Variants in LRRC40 observed in about 807,000 individuals in gnomAD.
LRRC40 encodes leucine-rich repeat-containing protein 40.
In LRRC40, 76 loss-of-function variants were observed where a neutral mutation model predicts 72.8. The observed-to-expected ratio is 1.04, with a 90% CI of 0.87 to 1.26. The LOEUF is 1.26. Ranked by LOEUF, LRRC40 falls within the 50% of genes most tolerant of loss-of-function variation. The probability of loss-of-function intolerance (pLI) is 0.00; values close to 1 mark genes in which losing one functional copy is unlikely to be tolerated. For synonymous variants in LRRC40, 243 were observed against 254.2 expected (o/e 0.96, Z 0.42); for missense variants, 684 against 698.9 (o/e 0.98, Z 0.24).
chr1:70,160,403 T>A (rs1227497871), intron 9 of LRRC40, among the ~76,000 whole-genome samples: 3 of 152,320 alleles, frequency 2.0e-5, no homozygotes, highest in Middle Eastern at 6.8e-3. Context: ...GCAAGTATCA[T>A]ATGAATACTT....
intron 1 of LRRC40, among the ~76,000 whole-genome samples, chr1:70,197,372 G>A (rs1193436153): frequency 6.6e-6 from 1 of 151,984 alleles, no homozygotes; most frequent in Admixed American, 6.6e-5. Flanking sequence ...CGAACTCATG[G>A]CTTCAGGAGA....
At chr1:70,186,296 A>G (rs3767210) in intron 3 of LRRC40, among the ~76,000 whole-genome samples, 13,108 of 152,160 alleles carry the variant, frequency 0.086, 644 homozygotes, top group South Asian at 0.19. Context: ...GTCACTCAAC[A>G]CTTACTGCTT....
intron 1 of LRRC40, among the ~76,000 whole-genome samples, chr1:70,190,973 T>C (rs1232093917): frequency 1.3e-5 from 2 of 151,998 alleles, no homozygotes; most frequent in Non-Finnish European, 2.9e-5. Flanking sequence ...TCATCATCAT[T>C]GTTATTTTGG....
chr1:70,185,071 C>G (rs1055281595), intron 3 of LRRC40, among the ~76,000 whole-genome samples, 157 bp from the exon 4 acceptor site: 7 of 152,136 alleles, frequency 4.6e-5, no homozygotes, highest in Admixed American at 6.5e-5. Context: ...AAAATATGTA[C>G]TCATTAAAAT....
At chr1:70,191,922 T>G (rs2100337174) in intron 1 of LRRC40, among the ~76,000 whole-genome samples, 1 of 152,306 alleles carries the variant, frequency 6.6e-6, no homozygotes, top group South Asian at 2.1e-4. Flanking sequence ...GCTTTGTTCT[T>G]TTTGCTTAGA....
At chr1:70,200,183 G>A (rs925335845) in intron 1 of LRRC40, among the ~76,000 whole-genome samples, 1 of 152,166 alleles carries the variant, frequency 6.6e-6, no homozygotes, top group Non-Finnish European at 1.5e-5. Context: ...TATCAGGAAT[G>A]GGGTCAGGTA....
intron 1 of LRRC40, among the ~76,000 whole-genome samples, chr1:70,190,907 A>G (rs1343852299): frequency 6.6e-6 from 1 of 152,000 alleles, no homozygotes; most frequent in Non-Finnish European, 1.5e-5. Context: ...GTGAAGCAAA[A>G]TAAAATAATT....
chr1:70,200,253 A>C (rs1267571949), intron 1 of LRRC40, among the ~76,000 whole-genome samples: 1 of 152,166 alleles, frequency 6.6e-6, no homozygotes, highest in African/African-American at 2.4e-5. Flanking sequence ...GATTGTGGAC[A>C]GAGGGAGTTT....
rs138162262 is a variant in LRRC40, at chr1:70,185,802, T to C, written c.408-888A>G. Among the ~76,000 whole-genome samples, 123 of 152,314 alleles carry C rather than the reference T, an allele frequency of 8.1e-4. No homozygotes were observed. The East Asian group carries it at 9.5e-3, about 12-fold the overall frequency. The stretch of plus-strand genomic sequence containing the variant: ...TCAGTTAAGCCCTTCTGTAGAGATA[T>C]TCAGTGTAATGGTTTAGAAGTCCCA... On this transcript the variant is annotated intron_variant, in intron 3 of 14. Coordinates refer to ENST00000370952, the MANE Select transcript of LRRC40 (RefSeq NM_017768.5).
intron 1 of LRRC40, among the ~76,000 whole-genome samples, chr1:70,194,847 T>C (rs1459963407): frequency 2.0e-5 from 3 of 152,094 alleles, no homozygotes; most frequent in Non-Finnish European, 2.9e-5. Flanking sequence ...GTCAAGATAG[T>C]GTAGTATTAG....
At chr1:70,182,289 T>C (rs1668263434) in intron 4 of LRRC40, among the ~76,000 whole-genome samples, 1 of 152,004 alleles carries the variant, frequency 6.6e-6, no homozygotes, top group Non-Finnish European at 1.5e-5. Flanking sequence ...TGCAATGTGG[T>C]ATCCTGCATT....
chr1:70,145,813 C>T lies in LRRC40; in HGVS notation c.1796G>A (p.Arg599Gln), dbSNP rs145973226. 2.3e-5 allele frequency: 36 copies of T among 1,588,138 alleles called. No individual in the cohort carries two copies. The highest frequency in any genetic ancestry group is 1.7e-4 in the Middle Eastern group (1 of 6,026). Residue 599 changes from arginine (R) to glutamine (Q), a missense_variant, in exon 15 of 15, where the codon CGA (arginine) becomes CAA (glutamine). Coordinates refer to ENST00000370952, the MANE Select transcript of LRRC40 (RefSeq NM_017768.5). ...AGCAACTCCATGTTAAGTAGGAATT[C>T]GGTCTCTCAAATATTCAAGTATAGC... is the stretch of plus-strand genomic sequence containing the variant. ...TAAILEYLRD[R>Q]IPT
At chr1:70,185,614 C>A (rs955184143) in intron 3 of LRRC40, among the ~76,000 whole-genome samples, 1 of 152,184 alleles carries the variant, frequency 6.6e-6, no homozygotes, top group Non-Finnish European at 1.5e-5. Flanking sequence ...CATACTATAA[C>A]TGACTTTCAG....
At chr1:70,201,835 G>A (rs549573584) in intron 1 of LRRC40, among the ~76,000 whole-genome samples, 2 of 152,114 alleles carry the variant, frequency 1.3e-5, no homozygotes, top group East Asian at 3.9e-4. Flanking sequence ...AAATTAGCCA[G>A]GCATGACAGC....
intron 1 of LRRC40, among the ~76,000 whole-genome samples, chr1:70,205,038 G>A (rs1342862789): frequency 6.6e-6 from 1 of 152,168 alleles, no homozygotes; most frequent in Non-Finnish European, 1.5e-5. Context: ...TACAATAAGA[G>A]GAGGAAAATA....
intron 5 of LRRC40, among the ~76,000 whole-genome samples, chr1:70,179,499 C>T (rs2100302899): frequency 6.6e-6 from 1 of 152,134 alleles, no homozygotes; most frequent in Non-Finnish European, 1.5e-5. Context: ...TTTTGTAATA[C>T]ATTTAAAAAT....
Position 70,178,994 on chromosome 1 carries a change from CT to C in LRRC40, c.662-2del, listed in dbSNP as rs1463346614. 15 of 1,554,992 alleles carry C rather than the reference CT, an allele frequency of 9.6e-6. No individual in the cohort carries two copies. The Admixed American group carries it at 1.5e-4, about 15-fold the overall frequency. ...GAATTACAATCCAAATGCTTCAACC[CT>C]GTAATATATATTCAGTAAAAAACAA... On this transcript the variant is annotated splice_acceptor_variant, in intron 5 of 14. Transcript: ENST00000370952. LOFTEE classifies it high-confidence loss of function.
intron 10 of LRRC40, among the ~76,000 whole-genome samples, chr1:70,156,061 T>C (rs1667630288): frequency 1.3e-5 from 2 of 152,250 alleles, no homozygotes; most frequent in South Asian, 2.1e-4. Context: ...TAGATATTTA[T>C]CTTTGGAGTC....
chr1:70,200,229 G>C (rs1046559080), intron 1 of LRRC40, among the ~76,000 whole-genome samples: 2 of 152,166 alleles, frequency 1.3e-5, no homozygotes, highest in Admixed American at 6.5e-5. Context: ...TACTTCGGGA[G>C]GCCAAGGCAG....
Sources: gnomAD v4.1 joint callset for allele counts (sites outside exome capture counted in the v4.1 genomes callset) on GRCh38, gnomAD v4.1.1 for gene constraint, MANE v1.5 for transcripts, NCBI Gene and HGNC (gene_info 2026-07-23, HGNC 2026-07-21) for gene names.